TSGA10: variants seen among roughly 807,000 people sequenced by gnomAD.
TSGA10 encodes the protein testis specific 10, also known as testis-specific gene 10 protein.
Under a neutral mutation model 96.6 loss-of-function variants are expected in TSGA10, and 43 were observed. The observed-to-expected ratio is 0.44, with a 90% CI of 0.35 to 0.57. TSGA10 has a LOEUF of 0.57. Among genes scored for constraint, TSGA10 ranks in the 20% least tolerant of loss-of-function variants. The probability of loss-of-function intolerance (pLI) is 0.01; values close to 1 mark genes in which losing one functional copy is unlikely to be tolerated. For missense variants in TSGA10, 703 were observed against 834.4 expected (o/e 0.84, Z 1.94); for synonymous variants, 229 against 269.9 (o/e 0.85, Z 1.48).
intron 1 of TSGA10, chr2:99,150,547 T>G (rs749865252): frequency 1.2e-6 from 2 of 1,610,168 alleles, no homozygotes; most frequent in East Asian, 2.2e-5. Flanking sequence ...TCACATTTGT[T>G]CAGCTATCCT....
intron 10 of TSGA10, among the ~76,000 whole-genome samples, chr2:99,093,390 G>C (rs572582751): frequency 1.1e-4 from 17 of 152,232 alleles, no homozygotes; most frequent in Admixed American, 3.3e-4. Context: ...CATAGTACTG[G>C]AAGTCTTAGC....
At chr2:99,087,188 T>C (rs879749214) in intron 10 of TSGA10, among the ~76,000 whole-genome samples, 3 of 140,722 alleles carry the variant, frequency 2.1e-5, no homozygotes, top group African/African-American at 8.1e-5. Context: ...TGGGCGACAG[T>C]GCAACACTCC....
chr2:99,151,067 A>G (rs2093688741), intron 1 of TSGA10: 1 of 381,076 alleles, frequency 2.6e-6, no homozygotes, highest in Non-Finnish European at 4.7e-6. Flanking sequence ...CTCTGGTATT[A>G]TATTATATCC....
At chr2:99,058,541 C>T (rs372394719) in intron 16 of TSGA10, among the ~76,000 whole-genome samples, 2 of 151,994 alleles carry the variant, frequency 1.3e-5, no homozygotes, top group Non-Finnish European at 2.9e-5. Context: ...TAAATTAATA[C>T]TCCTTCTTTG....
At chr2:99,052,789 C>G (rs1352011566) in intron 16 of TSGA10, among the ~76,000 whole-genome samples, 3 of 151,338 alleles carry the variant, frequency 2.0e-5, no homozygotes, top group Non-Finnish European at 2.9e-5. Flanking sequence ...ATAAATCTTG[C>G]CAGGTGCAGT....
At chr2:99,134,364 T>C (rs1335610141) in intron 1 of TSGA10, among the ~76,000 whole-genome samples, 5 of 152,110 alleles carry the variant, frequency 3.3e-5, no homozygotes, top group African/African-American at 1.2e-4. Flanking sequence ...TTCCACTTGA[T>C]TGATTCAGCT....
At chr2:99,102,885 T>C in intron 10 of TSGA10, 1 of 687,016 alleles carries the variant, frequency 1.5e-6, no homozygotes, top group East Asian at 2.7e-5. Context: ...TTTATATTTG[T>C]CTTTGTATTT....
At position 99,120,680 on chromosome 2, in the gene TSGA10, T is replaced by C. The variant is rs551449360; in HGVS notation, c.-491-1994A>G. On this transcript the variant is annotated intron_variant, in intron 2 of 20. Transcript: ENST00000393483. ...ACGCCCTTTACTCAGTTTCCGCTGATAGTTGTGTCATAAACAACATAGTAT... is the reference window on the plus strand; with the variant it reads ...ACGCCCTTTACTCAGTTTCCGCTGACAGTTGTGTCATAAACAACATAGTAT... 1.8e-4 allele frequency among the ~76,000 whole-genome samples: 28 copies of C among 152,304 alleles called. No homozygotes were observed. The South Asian group carries it at 5.2e-3, about 28-fold the overall frequency.
rs182620620 is a variant in TSGA10 at position 99,093,575 on chromosome 2, C to G, written c.611+10392G>C. Among the ~76,000 whole-genome samples the G allele has an allele frequency of 9.7e-4, 148 of 152,100 alleles. 1 individual carries two copies. Among genetic ancestry groups the G allele is most frequent in the Non-Finnish European group, 2.9e-4 (20 of 67,988 alleles). On this transcript the variant is annotated intron_variant, in intron 10 of 20. Coordinates refer to ENST00000393483, the MANE Select transcript of TSGA10 (RefSeq NM_025244.4). ...AGTTTCAGGATACAAAATCAATGTA[C>G]ACAAATCAGTAGCACTGCTATACAC...
At chr2:99,015,473 T>C (rs1387541559) in intron 20 of TSGA10, among the ~76,000 whole-genome samples, 2 of 152,042 alleles carry the variant, frequency 1.3e-5, no homozygotes, top group Non-Finnish European at 2.9e-5. Flanking sequence ...GCAAAATTGG[T>C]ATAGGAGGGA....
At chr2:99,096,580 A>G (rs1295019705) in intron 10 of TSGA10, among the ~76,000 whole-genome samples, 1 of 152,084 alleles carries the variant, frequency 6.6e-6, no homozygotes, top group Non-Finnish European at 1.5e-5. Flanking sequence ...TTCCCTTTAC[A>G]TTTGACTCAA....
chr2:99,123,374 T>C (rs1232082685), intron 2 of TSGA10, among the ~76,000 whole-genome samples: 1 of 152,180 alleles, frequency 6.6e-6, no homozygotes. Context: ...TGAGGCTCTA[T>C]TCAAATTTTT....
chr2:99,028,803 T>C (rs900112259), intron 17 of TSGA10, among the ~76,000 whole-genome samples: 1 of 152,228 alleles, frequency 6.6e-6, no homozygotes, highest in African/African-American at 2.4e-5. Flanking sequence ...GTTTTCGTGA[T>C]GTTTCCTCTT....
rs184631382 is a variant in TSGA10, at chr2:99,047,707, G to C, written c.1405-12268C>G. ...TCTCACCACTCCTATTCAACTGTTGGAAGTTCTGGCCAGGGCAATCAGGCA... is the reference window on the plus strand; with the variant it reads ...TCTCACCACTCCTATTCAACTGTTGCAAGTTCTGGCCAGGGCAATCAGGCA... On this transcript the variant is annotated intron_variant, in intron 16 of 20. Transcript: ENST00000393483. 6.6e-5 allele frequency among the ~76,000 whole-genome samples: 10 copies of C among 152,196 alleles called. No individual in the cohort carries two copies. The East Asian group carries it at 1.9e-3, about 29-fold the overall frequency.
chr2:99,022,674 G>C (rs1417848741), intron 17 of TSGA10, among the ~76,000 whole-genome samples: 2 of 152,086 alleles, frequency 1.3e-5, no homozygotes, highest in African/African-American at 4.8e-5. Context: ...GTTTTTGTAT[G>C]GACATGTTTT....
chr2:99,142,678 T>C (rs1485161984), intron 1 of TSGA10, among the ~76,000 whole-genome samples: 2 of 152,212 alleles, frequency 1.3e-5, no homozygotes, highest in Non-Finnish European at 2.9e-5. Flanking sequence ...GGAAATGTAA[T>C]TTTTTAAATG....
chr2:98,998,285 AT>A, intron 20 of TSGA10, 64 bp from the exon 21 acceptor site: 1 of 1,376,102 alleles, frequency 7.3e-7, no homozygotes, highest in Non-Finnish European at 1.0e-6. Context: ...TGTGTAACAA[AT>A]TTATTCTAGT....
chr2:99,103,872 GAACTC>G, intron 10 of TSGA10, 90 bp downstream of exon 10: 1 of 1,415,332 alleles, frequency 7.1e-7, no homozygotes, highest in Non-Finnish European at 9.5e-7. Context: ...CTCAGAAACT[GAACTC>G]AACAAATAAT....
At chr2:99,087,374 C>A (rs913198753) in intron 10 of TSGA10, among the ~76,000 whole-genome samples, 1 of 150,136 alleles carries the variant, frequency 6.7e-6, no homozygotes, top group Non-Finnish European at 1.5e-5. Flanking sequence ...GGTGTAGTGG[C>A]GCATGCCTGT....
Sources: gnomAD v4.1 joint callset for allele counts (sites outside exome capture counted in the v4.1 genomes callset) on GRCh38, gnomAD v4.1.1 for gene constraint, MANE v1.5 for transcripts, NCBI Gene and HGNC (gene_info 2026-07-23, HGNC 2026-07-21) for gene names.